STIM1: variants seen among roughly 807,000 people sequenced by gnomAD.
STIM1 encodes stromal interaction molecule 1.
In STIM1, 25 loss-of-function variants were observed where a neutral mutation model predicts 74.7. That is an observed-to-expected ratio of 0.33 (90% confidence interval 0.24 to 0.47). The LOEUF (loss-of-function observed/expected upper bound fraction) is 0.47. Among genes scored for constraint, STIM1 ranks in the 20% least tolerant of loss-of-function variants. STIM1 has a pLI of 1.00. For synonymous variants in STIM1, 328 were observed against 348.8 expected (o/e 0.94, Z 0.66); for missense variants, 728 against 920.8 (o/e 0.79, Z 2.71).
chr11:4,080,530 G>A (rs764916266), intron 7 of STIM1, among the ~76,000 whole-genome samples: 19 of 144,980 alleles, frequency 1.3e-4, no homozygotes, highest in African/African-American at 2.3e-4. Context: ...GTGGTAGCAC[G>A]ATCTTGGCTC....
chr11:3,871,579 A>G (rs1029696887), intron 1 of STIM1, among the ~76,000 whole-genome samples: 13 of 152,186 alleles, frequency 8.5e-5, no homozygotes, highest in African/African-American at 2.9e-4. Flanking sequence ...AAGATTTTCT[A>G]ATTTTAAAAA....
intron 1 of STIM1, among the ~76,000 whole-genome samples, chr11:3,897,784 G>A (rs79071385): frequency 1.4e-4 from 22 of 151,904 alleles, no homozygotes; most frequent in Admixed American, 3.9e-4. Flanking sequence ...TTGTTCTTGC[G>A]ATAGTTTACT....
intron 1 of STIM1, among the ~76,000 whole-genome samples, chr11:3,933,731 A>T (rs1314354358): frequency 6.6e-6 from 1 of 152,130 alleles, no homozygotes; most frequent in African/African-American, 2.4e-5. Context: ...TTTTGTGTCT[A>T]ATGTGAGGCA....
chr11:4,015,060 A>G (rs947203049), intron 2 of STIM1, among the ~76,000 whole-genome samples: 15 of 152,164 alleles, frequency 9.9e-5, no homozygotes, highest in African/African-American at 3.4e-4. Flanking sequence ...TTTAAGGTTT[A>G]TATTGTTAGG....
intron 1 of STIM1, among the ~76,000 whole-genome samples, chr11:3,929,418 T>C (rs1236014401): frequency 2.6e-5 from 4 of 152,184 alleles, no homozygotes; most frequent in African/African-American, 9.7e-5. Flanking sequence ...TGCCAGGATT[T>C]TGAGAGATTG....
intron 4 of STIM1, among the ~76,000 whole-genome samples, chr11:4,057,226 T>G (rs1292922290): frequency 6.6e-6 from 1 of 152,206 alleles, no homozygotes; most frequent in Non-Finnish European, 1.5e-5. Flanking sequence ...ATTTTCCTCA[T>G]GGGAAGGATA....
At chr11:3,905,829 A>G (rs1292925891) in intron 1 of STIM1, among the ~76,000 whole-genome samples, 4 of 152,162 alleles carry the variant, frequency 2.6e-5, no homozygotes, top group African/African-American at 9.7e-5. Flanking sequence ...ATGGAGCTTA[A>G]TGTTGAAACT....
intron 3 of STIM1, among the ~76,000 whole-genome samples, chr11:4,039,767 T>C (rs2094134152): frequency 6.6e-6 from 1 of 151,872 alleles, no homozygotes; most frequent in African/African-American, 2.4e-5. Context: ...TGATATTTTA[T>C]TTTATTATAT....
In STIM1 at chr11:4,013,690, CTTTTTTTTTTTTTTTTTTT is replaced by C. The variant is rs1169600270; in HGVS notation, c.271-10169_271-10151del. Among the ~76,000 whole-genome samples the C allele has an allele frequency of 7.7e-5, 4 of 51,912 alleles. No individual in the cohort carries two copies. In the South Asian group the frequency reaches 2.4e-3, roughly 31 times the overall value. 34.1% of individuals were successfully genotyped at this position (51,912 alleles called of 152,430 possible). ...AACCAGCTCCTGGATTCATTGATTT[CTTTTTTTTTTTTTTTTTTT>C]TTTTTTTTTTTTTGAGACAGAGTAT... is the stretch of plus-strand genomic sequence containing the variant. On this transcript the variant is annotated intron_variant, in intron 2 of 12. Coordinates refer to ENST00000526596, the MANE Select transcript of STIM1 (RefSeq NM_001382567.1).
intron 2 of STIM1, among the ~76,000 whole-genome samples, chr11:4,002,295 C>T (rs368097866): frequency 2.0e-5 from 3 of 148,892 alleles, no homozygotes; most frequent in Admixed American, 1.3e-4. Context: ...TTTTTTTCAG[C>T]ACCACACCAT....
At chr11:4,084,118 G>A (rs1476341011) in intron 10 of STIM1, among the ~76,000 whole-genome samples, 1 of 152,182 alleles carries the variant, frequency 6.6e-6, no homozygotes, top group Non-Finnish European at 1.5e-5. Flanking sequence ...TGCAAGTGAT[G>A]AGAGTTGAGT....
intron 1 of STIM1, among the ~76,000 whole-genome samples, chr11:3,921,509 A>T (rs1170442212): frequency 6.6e-6 from 1 of 152,170 alleles, no homozygotes; most frequent in African/African-American, 2.4e-5. Flanking sequence ...CATCATGCTA[A>T]CCAGACAGCA....
intron 1 of STIM1, among the ~76,000 whole-genome samples, chr11:3,956,037 G>A (rs1805212542): frequency 6.7e-6 from 1 of 149,660 alleles, no homozygotes; most frequent in South Asian, 2.1e-4. Context: ...AAAAAAAAAA[G>A]CAGGAGTTAC....
intron 2 of STIM1, among the ~76,000 whole-genome samples, chr11:4,004,317 G>A (rs551759902): frequency 0.029 from 4,398 of 151,690 alleles, 208 homozygotes; most frequent in African/African-American, 0.1. Context: ...GAGGCATCAC[G>A]CTACCTGACT....
chr11:3,976,037 T>C (rs759077020), intron 2 of STIM1, among the ~76,000 whole-genome samples: 12 of 152,252 alleles, frequency 7.9e-5, no homozygotes, highest in Non-Finnish European at 1.6e-4. Context: ...TATGAATGTT[T>C]ATAGTATCTT....
At chr11:4,049,618 T>C (rs570631598) in intron 3 of STIM1, 9 of 152,294 alleles carry the variant, frequency 5.9e-5, no homozygotes, top group African/African-American at 2.2e-4. Context: ...CGTGAGTCAC[T>C]GTGCCTGGCC....
At chr11:3,956,070 G>GC (rs2093209186) in intron 1 of STIM1, among the ~76,000 whole-genome samples, 1 of 151,782 alleles carries the variant, frequency 6.6e-6, no homozygotes, top group Non-Finnish European at 1.5e-5. Context: ...CAGAAAGATG[G>GC]CAGGTGTCAG....
At chr11:4,023,365 A>G (rs1306650569) in intron 2 of STIM1, among the ~76,000 whole-genome samples, 2 of 152,110 alleles carry the variant, frequency 1.3e-5, no homozygotes, top group African/African-American at 4.8e-5. Flanking sequence ...ACAAACAACC[A>G]TCACAGTAAA....
intron 1 of STIM1, among the ~76,000 whole-genome samples, chr11:3,919,562 T>A (rs1350065254): frequency 6.6e-6 from 1 of 152,166 alleles, no homozygotes; most frequent in Non-Finnish European, 1.5e-5. Flanking sequence ...TAGTGACTCA[T>A]AGAGAACAGG....
Sources: allele counts gnomAD v4.1 joint callset (sites outside exome capture counted in the v4.1 genomes callset), GRCh38; gene constraint gnomAD v4.1.1; transcripts MANE v1.5; gene names NCBI Gene and HGNC (gene_info 2026-07-23, HGNC 2026-07-21).